The following UTP18 variants were observed in gnomAD, a reference collection of about 807,000 sequenced individuals.
UTP18 encodes the protein U3 small nucleolar RNA-associated protein 18 homolog.
In UTP18, 36 loss-of-function variants were observed where a neutral mutation model predicts 61.1. That is an observed-to-expected ratio of 0.59 (90% CI 0.45 to 0.78). UTP18 has a LOEUF of 0.78. UTP18 is among the 30% of genes least tolerant of loss of function. The pLI, the probability that UTP18 is intolerant of heterozygous loss-of-function variation, is 0.00. For synonymous variants in UTP18, 282 were observed against 251.1 expected (o/e 1.12, Z -1.16); for missense variants, 753 against 693.9 (o/e 1.09, Z -0.96).
chr17:51,260,590 G>T lies in UTP18; in HGVS notation c.6G>T (p.Pro2=), dbSNP rs761316312. Residue 2 remains proline (P), a synonymous_variant, in exon 1 of 14, where the codon CCG becomes CCT. Transcript: ENST00000225298. M[P]PERRRRMKLD... is the part of the protein sequence containing the mutation. Reference sequence around the variant, plus strand: ...GTTTCTCCTCAAACCTAACGATGCCGCCGGAGCGGAGGAGACGAATGAAAC... The same window carrying T: ...GTTTCTCCTCAAACCTAACGATGCCTCCGGAGCGGAGGAGACGAATGAAAC... 1 of 1,611,816 alleles carries T rather than the reference G, an allele frequency of 6.2e-7. No individual in the cohort carries two copies. The highest frequency in any genetic ancestry group is 2.2e-5 in the East Asian group (1 of 44,814).
intron 12 of UTP18, 78 bp downstream of exon 12, chr17:51,294,123 TA>T (rs1905300677): frequency 8.3e-7 from 1 of 1,204,742 alleles, no homozygotes; most frequent in Admixed American, 3.0e-5. Context: ...TATATATTCC[TA>T]ATTCTACAGT....
chr17:51,263,179 A>G, intron 1 of UTP18, 95 bp from the exon 2 acceptor site: 1 of 995,376 alleles, frequency 1.0e-6, no homozygotes, highest in Non-Finnish European at 1.5e-6. Flanking sequence ...AGTGGTAGAA[A>G]AAACATTCTA....
chr17:51,284,880 G>A (rs1050787134), intron 9 of UTP18, among the ~76,000 whole-genome samples: 1 of 152,064 alleles, frequency 6.6e-6, no homozygotes, highest in African/African-American at 2.4e-5. Flanking sequence ...GGCCAACATG[G>A]TGAAACCCTG....
chr17:51,261,521 C>T (rs1014745820), intron 1 of UTP18, among the ~76,000 whole-genome samples: 1 of 152,024 alleles, frequency 6.6e-6, no homozygotes, highest in Non-Finnish European at 1.5e-5. Context: ...AATTCTATAC[C>T]AGGCTTTTCT....
chr17:51,295,199 T>C (rs1905336165), intron 12 of UTP18, among the ~76,000 whole-genome samples: 1 of 150,958 alleles, frequency 6.6e-6, no homozygotes, highest in African/African-American at 2.5e-5. Flanking sequence ...AACTCTTTAG[T>C]TTAATTAGAT....
intron 4 of UTP18, among the ~76,000 whole-genome samples, chr17:51,272,737 T>C (rs1433791425): frequency 6.6e-6 from 1 of 152,242 alleles, no homozygotes; most frequent in East Asian, 1.9e-4. Context: ...GGTAGCCCTT[T>C]GTGGCCGCAA....
chr17:51,265,148 A>G (rs1263419877), intron 2 of UTP18, among the ~76,000 whole-genome samples: 2 of 152,162 alleles, frequency 1.3e-5, no homozygotes. Context: ...ATTTTTATAT[A>G]GTCAAATCTG....
Position 51,260,686 on chromosome 17 carries a change from G to A in UTP18, c.102G>A (p.Gly34=). 3 of 1,608,122 alleles carry A rather than the reference G, an allele frequency of 1.9e-6. No individual in the cohort carries two copies. The highest frequency in any genetic ancestry group is 2.5e-6 in the Non-Finnish European group (3 of 1,178,066). ...GMRPDWKAGA[G]PGGPPQKPAP... is the part of the protein sequence containing the mutation. ...GGCCGGACTGGAAAGCCGGAGCGGG[G>A]CCAGGCGGGCCTCCCCAAAAGCCTG... The change falls in exon 1 of 14, where the codon GGG becomes GGA. Residue 34 remains glycine, a synonymous_variant. Coordinates refer to ENST00000225298, the MANE Select transcript of UTP18 (RefSeq NM_016001.3).
intron 4 of UTP18, among the ~76,000 whole-genome samples, 173 bp downstream of exon 4, chr17:51,269,077 AG>A: frequency 6.6e-6 from 1 of 152,134 alleles, no homozygotes; most frequent in South Asian, 2.1e-4. Flanking sequence ...GCTTGAGTCC[AG>A]GAGTTTAAGA....
At position 51,292,286 on chromosome 17, in the gene UTP18, A is replaced by G. The variant is rs867809352; in HGVS notation, c.1504-1617A>G. On this transcript the variant is annotated intron_variant, in intron 11 of 13. Transcript: ENST00000225298. ...TTAGAAGTGAAGTCCAAATTGGGGT[A>G]CTGCCAACTTCTTAGCTTTAATGGG... Among the ~76,000 whole-genome samples, 18 of 152,244 alleles carry G rather than the reference A, an allele frequency of 1.2e-4. No homozygotes were observed. In the South Asian group the frequency reaches 1.2e-3, roughly 10 times the overall value.
At chr17:51,276,377 T>C (rs1401309023) in intron 6 of UTP18, among the ~76,000 whole-genome samples, 4 of 152,226 alleles carry the variant, frequency 2.6e-5, no homozygotes, top group Admixed American at 2.6e-4. Flanking sequence ...TTTCTTCCAC[T>C]GAATATAAAA....
At chr17:51,261,147 C>T (rs2055462589) in intron 1 of UTP18, among the ~76,000 whole-genome samples, 1 of 152,232 alleles carries the variant, frequency 6.6e-6, no homozygotes, top group South Asian at 2.1e-4. Flanking sequence ...CTTTCTCCGC[C>T]CCTGGAGGCG....
chr17:51,264,084 T>A (rs1315841612), intron 2 of UTP18, among the ~76,000 whole-genome samples: 1 of 151,952 alleles, frequency 6.6e-6, no homozygotes, highest in Non-Finnish European at 1.5e-5. Flanking sequence ...TCACCTAGGC[T>A]GGAGTGCAGT....
intron 5 of UTP18, among the ~76,000 whole-genome samples, chr17:51,274,992 G>A (rs1280470448): frequency 6.6e-6 from 1 of 151,780 alleles, no homozygotes; most frequent in East Asian, 2.0e-4. Flanking sequence ...GAGGTTGGGA[G>A]TTTGAGACCA....
intron 1 of UTP18, 137 bp downstream of exon 1, chr17:51,261,063 C>A: frequency 1.3e-6 from 1 of 745,970 alleles, no homozygotes; most frequent in Non-Finnish European, 1.9e-6. Context: ...AGAACGCGGG[C>A]GCGGAGGGTC....
At chr17:51,263,713 G>A (rs1210097325) in intron 2 of UTP18, among the ~76,000 whole-genome samples, 1 of 152,090 alleles carries the variant, frequency 6.6e-6, no homozygotes, top group African/African-American at 2.4e-5. Flanking sequence ...TTTTTCCTTT[G>A]TGAAATGGGC....
chr17:51,297,119 C>T (rs773250950), intron 13 of UTP18, 116 bp downstream of exon 13: 14 of 848,900 alleles, frequency 1.6e-5, no homozygotes, highest in South Asian at 5.3e-5. Context: ...GTTACTGCAT[C>T]TTTATTTAGA....
At chr17:51,289,265 C>T (rs190072045) in intron 11 of UTP18, among the ~76,000 whole-genome samples, 21 of 149,484 alleles carry the variant, frequency 1.4e-4, no homozygotes, top group South Asian at 8.5e-4. Context: ...GGTGTGATCT[C>T]GGCTCACTGC....
intron 3 of UTP18, among the ~76,000 whole-genome samples, chr17:51,267,704 G>C (rs1451565097): frequency 6.6e-6 from 1 of 152,088 alleles, no homozygotes; most frequent in East Asian, 1.9e-4. Flanking sequence ...AAGTCCAGTT[G>C]TATCAGTCTC....
Sources: gnomAD v4.1 joint callset for allele counts (sites outside exome capture counted in the v4.1 genomes callset) on GRCh38, gnomAD v4.1.1 for gene constraint, MANE v1.5 for transcripts, NCBI Gene and HGNC (gene_info 2026-07-23, HGNC 2026-07-21) for gene names.